The following DOT1L variants were observed in gnomAD, a reference collection of about 807,000 sequenced individuals.
The protein encoded by DOT1L is DOT1 like histone lysine methyltransferase.
A neutral mutation model predicts 153.3 loss-of-function variants in DOT1L; 33 were observed. The observed-to-expected ratio is 0.22, with a 90% CI of 0.16 to 0.29. DOT1L has a LOEUF of 0.29. DOT1L is among the 10% of genes least tolerant of loss of function. The probability of loss-of-function intolerance (pLI) is 1.00; values close to 1 mark genes in which losing one functional copy is unlikely to be tolerated. For missense variants in DOT1L, 1,847 were observed against 2,119.9 expected (o/e 0.87, Z 2.53); for synonymous variants, 1,135 against 965.1 (o/e 1.18, Z -3.26).
chr19:2,209,906 G>A (rs888341642), intron 12 of DOT1L, among the ~76,000 whole-genome samples: 2 of 152,206 alleles, frequency 1.3e-5, no homozygotes, highest in African/African-American at 2.4e-5. Flanking sequence ...AGCAGGGAAC[G>A]GCCCGAGGTG....
intron 3 of DOT1L, among the ~76,000 whole-genome samples, chr19:2,187,897 G>A (rs1436501568): frequency 1.3e-5 from 2 of 150,712 alleles, no homozygotes; most frequent in East Asian, 2.0e-4. Flanking sequence ...ACTCCAGCCT[G>A]GGTGACAGAG....
Position 2,207,536 on chromosome 19 carries a change from G to A in DOT1L, c.857-38G>A, listed in dbSNP as rs2144814616. ...TGAGGTCTGCATGGAGGGGCTGTGG[G>A]CAGGCGCAGGCCCCGGCCTCACCTG... is the stretch of plus-strand genomic sequence containing the variant. On this transcript the variant is annotated intron_variant, in intron 10 of 27. Coordinates refer to ENST00000398665, the MANE Select transcript of DOT1L (RefSeq NM_032482.3). This position sits in a 1 kb window ranked among gnomAD's most constrained non-coding sequence, Gnocchi z 4.5. The A allele has an allele frequency of 3.2e-6, 5 of 1,570,220 alleles. No homozygotes were observed. The highest frequency in any genetic ancestry group is 4.3e-6 in the Non-Finnish European group (5 of 1,155,042).
chr19:2,197,130 C>T lies in DOT1L; in HGVS notation c.651+2553C>T, dbSNP rs573933616. 6.6e-6 allele frequency among the ~76,000 whole-genome samples: 1 copy of T among 152,150 alleles called. No homozygotes were observed. The highest frequency in any genetic ancestry group is 1.5e-5 in the Non-Finnish European group (1 of 68,016). ...CTGCGGTGCTTCCTTGCGGCCACGC[C>T]TGTCTGGTTTGGTCTCTGGGTGGCG... On this transcript the variant is annotated intron_variant, in intron 7 of 27. Coordinates refer to ENST00000398665, the MANE Select transcript of DOT1L (RefSeq NM_032482.3). The surrounding 1 kb of genome is among the most constrained non-coding windows in gnomAD (Gnocchi z 4.1).
chr19:2,211,344 G>A (rs2023707401), intron 15 of DOT1L, 132 bp downstream of exon 15: 2 of 810,662 alleles, frequency 2.5e-6, no homozygotes, highest in Admixed American at 5.7e-5. Flanking sequence ...TTTACCCAGG[G>A]TTGGGGTCTG....
At position 2,176,658 on chromosome 19, in the gene DOT1L, G is replaced by A. The variant is rs139009299; in HGVS notation, c.82-4055G>A. On this transcript the variant is annotated intron_variant, in intron 1 of 27. Coordinates refer to ENST00000398665, the MANE Select transcript of DOT1L (RefSeq NM_032482.3). The stretch of plus-strand genomic sequence containing the variant: ...AATCCTAGGAAGGGGGACTTGGGCC[G>A]ACAGCCCCCTCCAACCTGCGCAGCC... Among the ~76,000 whole-genome samples the A allele has an allele frequency of 2.8e-4, 43 of 152,294 alleles. 1 individual carries two copies. Among genetic ancestry groups the A allele is most frequent in the African/African-American group, 9.9e-4 (41 of 41,564 alleles).
intron 3 of DOT1L, among the ~76,000 whole-genome samples, chr19:2,187,921 C>T (rs377311501): frequency 5.8e-4 from 18 of 31,094 alleles, no homozygotes; most frequent in Non-Finnish European, 2.0e-4. Flanking sequence ...GACTCCATCT[C>T]AGAAAAAAAA....
chr19:2,206,282 C>T (rs534208364), intron 9 of DOT1L, among the ~76,000 whole-genome samples: 153 of 152,168 alleles, frequency 1.0e-3, no homozygotes, highest in African/African-American at 3.5e-3. Context: ...CACTGCACCG[C>T]GCCGAGAATG....
intron 27 of DOT1L, chr19:2,227,687 G>C (rs894456213): frequency 1.5e-6 from 2 of 1,294,024 alleles, no homozygotes; most frequent in East Asian, 5.9e-5. Context: ...CTCTGCGCTT[G>C]CCTGGATGCT....
intron 2 of DOT1L, among the ~76,000 whole-genome samples, chr19:2,182,779 C>T (rs1050279956): frequency 2.6e-4 from 40 of 152,148 alleles, no homozygotes; most frequent in Admixed American, 2.0e-4. Flanking sequence ...CCCAGGCCCC[C>T]GGATCTCAGG....
Position 2,232,215 on chromosome 19 carries a change from C to T in DOT1L, c.*2423C>T, listed in dbSNP as rs1434608071. On this transcript the variant is annotated 3_prime_UTR_variant, in exon 28 of 28. Coordinates refer to ENST00000398665, the MANE Select transcript of DOT1L (RefSeq NM_032482.3). ...GCTCTTGCTCAGGAATTGATAGGAA[C>T]CCTAAAAACTAGGATACCCCCTCCT... 2 of 221,610 alleles carry T rather than the reference C, an allele frequency of 9.0e-6. No homozygotes were observed. Among genetic ancestry groups the T allele is most frequent in the Non-Finnish European group, 1.8e-5 (2 of 110,904 alleles). 13.7% of individuals were successfully genotyped at this position (221,610 alleles called of 1,614,324 possible). A position where few individuals can be genotyped will look rare whatever the true frequency, so the allele number is the denominator to read the frequency against.
Position 2,226,890 on chromosome 19 carries a change from T to C in DOT1L, c.4369T>C (p.Ser1457Pro), listed in dbSNP as rs2144937165. Reference sequence around the variant, plus strand: ...GTCCTCCGCAGGCGGCGCGGCGTCCTCCGCCCAGACGCACCGGTCCTTCCT... The same window carrying C: ...GTCCTCCGCAGGCGGCGCGGCGTCCCCCGCCCAGACGCACCGGTCCTTCCT... ...AASSAGGAAS[S>P]AQTHRSFLGP... The change falls in exon 27 of 28, where the codon TCC (serine) becomes CCC (proline). Residue 1457 changes from serine (S) to proline (P), a missense_variant. Coordinates refer to ENST00000398665, the MANE Select transcript of DOT1L (RefSeq NM_032482.3). The C allele has an allele frequency of 6.3e-7, 1 of 1,576,984 alleles. No individual in the cohort carries two copies. Among genetic ancestry groups the C allele is most frequent in the Non-Finnish European group, 8.5e-7 (1 of 1,170,458 alleles).
At position 2,197,727 on chromosome 19, in the gene DOT1L, C is replaced by T. The variant is rs2023082731; in HGVS notation, c.652-2157C>T. Among the ~76,000 whole-genome samples the T allele has an allele frequency of 6.6e-6, 1 of 152,196 alleles. No homozygotes were observed. The highest frequency in any genetic ancestry group is 2.4e-5 in the African/African-American group (1 of 41,438). The stretch of plus-strand genomic sequence containing the variant: ...GAGCATGATTTGGGGGAAAGCGTGG[C>T]ATTCTTCGTGGCTTTGGCAACACGT... On this transcript the variant is annotated intron_variant, in intron 7 of 27. Transcript: ENST00000398665. The surrounding 1 kb of genome is among the most constrained non-coding windows in gnomAD (Gnocchi z 4.1).
intron 25 of DOT1L, among the ~76,000 whole-genome samples, chr19:2,224,237 G>A (rs903369735): frequency 6.6e-5 from 10 of 152,178 alleles, no homozygotes; most frequent in African/African-American, 1.7e-4. Context: ...ATGGGTGTGC[G>A]TGTTTGTGTT....
intron 1 of DOT1L, among the ~76,000 whole-genome samples, chr19:2,166,678 C>T (rs917959654): frequency 5.3e-5 from 8 of 151,532 alleles, no homozygotes; most frequent in East Asian, 1.9e-4. Flanking sequence ...CCCAAAGTGC[C>T]GGGATTACAG....
At chr19:2,182,681 A>G (rs1035313170) in intron 2 of DOT1L, among the ~76,000 whole-genome samples, 1 of 151,922 alleles carries the variant, frequency 6.6e-6, no homozygotes, top group South Asian at 2.1e-4. Context: ...GGCGCTTGCT[A>G]GTGTGTCTGG....
At chr19:2,170,643 A>C (rs1481109538) in intron 1 of DOT1L, among the ~76,000 whole-genome samples, 1 of 152,096 alleles carries the variant, frequency 6.6e-6, no homozygotes, top group Non-Finnish European at 1.5e-5. Flanking sequence ...TAGAGGCCTC[A>C]CGTTGTGACC....
chr19:2,211,268 G>A (rs1454311230), intron 15 of DOT1L, 56 bp downstream of exon 15: 17 of 1,464,396 alleles, frequency 1.2e-5, no homozygotes, highest in Non-Finnish European at 1.5e-5. Flanking sequence ...CATCCCAGGA[G>A]GACCGTGGGT....
At chr19:2,164,357 G>A (rs946125670) in intron 1 of DOT1L, 92 bp downstream of exon 1, 13 of 860,456 alleles carry the variant, frequency 1.5e-5, no homozygotes, top group South Asian at 5.6e-5. Context: ...CGCGCTCACC[G>A]GTCCCCCCTG....
At chr19:2,225,340 T>C (rs1296279668) in intron 25 of DOT1L, 48 bp from the exon 26 acceptor site, 2 of 1,561,816 alleles carry the variant, frequency 1.3e-6, no homozygotes, top group Admixed American at 3.3e-5. Flanking sequence ...GTGTCATTCT[T>C]AGTATGCAGC....
Sources: gnomAD v4.1 joint callset for allele counts (sites outside exome capture counted in the v4.1 genomes callset) on GRCh38, gnomAD v4.1.1 for gene constraint, Gnocchi (gnomAD v3.1) non-coding constraint, MANE v1.5 for transcripts, NCBI Gene and HGNC (gene_info 2026-07-23, HGNC 2026-07-21) for gene names.